PSMA7: variants seen among roughly 807,000 people sequenced by gnomAD.
The protein encoded by PSMA7 is proteasome subunit alpha type-7.
A neutral mutation model predicts 31.3 loss-of-function variants in PSMA7; 5 were observed. That is an observed-to-expected ratio of 0.16 (90% confidence interval 0.08 to 0.34). The LOEUF is 0.34. PSMA7 is among the 10% of genes least tolerant of loss of function. The pLI is 1.00. For synonymous variants in PSMA7, 155 were observed against 121.9 expected, an observed-to-expected ratio of 1.27 and a Z score of -1.79; for missense variants, 217 against 327.5, an observed-to-expected ratio of 0.66 and a Z score of 2.60.
chr20:62,136,892 CTTCTTT>C lies in PSMA7; in HGVS notation c.706_711del (p.Lys236_Glu237del), dbSNP rs371133551. 25 of 1,599,134 alleles carry C rather than the reference CTTCTTT, an allele frequency of 1.6e-5. No homozygotes were observed. The highest frequency in any genetic ancestry group is 4.5e-5 in the East Asian group (2 of 44,728). On this transcript the variant is annotated inframe_deletion, in exon 7 of 7. Transcript: ENST00000370873. Reference sequence around the variant, plus strand: ...TTCTTTTGTTTCTTCTTTTCGTTTTCTTCTTTTTCTTTTTCAATTTCAGCAACATAC... The same window carrying C: ...TTCTTTTGTTTCTTCTTTTCGTTTTCTTCTTTTTCAATTTCAGCAACATAC...
intron 5 of PSMA7, among the ~76,000 whole-genome samples, chr20:62,137,923 C>T (rs990786080): frequency 1.3e-5 from 2 of 152,218 alleles, no homozygotes; most frequent in Non-Finnish European, 2.9e-5. Context: ...GGTTCTCATG[C>T]TGTGTGTCCC....
intron 5 of PSMA7, among the ~76,000 whole-genome samples, chr20:62,137,703 C>A (rs2056903784): frequency 6.6e-6 from 1 of 152,194 alleles, no homozygotes; most frequent in Admixed American, 6.5e-5. Flanking sequence ...TGGTTACAAC[C>A]AGGAATCCTG....
rs763558682 is a variant in PSMA7 at position 62,136,955 on chromosome 20, GA to G, written c.655-7del. The G allele has an allele frequency of 2.5e-6, 4 of 1,595,190 alleles. No homozygotes were observed. Among genetic ancestry groups the G allele is most frequent in the South Asian group, 1.2e-5 (1 of 86,222 alleles). ...ATTTCTTCAGGATTTAAAATCTATA[GA>G]AAAAAACTTCATGGTTACCTAAGCC... is the stretch of plus-strand genomic sequence containing the variant. On this transcript the variant is annotated splice_polypyrimidine_tract_variant and splice_region_variant and intron_variant, in intron 6 of 6. Transcript: ENST00000370873.
At chr20:62,137,584 G>C in intron 5 of PSMA7, 158 bp from the exon 6 acceptor site, 1 of 697,716 alleles carries the variant, frequency 1.4e-6, no homozygotes, top group Non-Finnish European at 2.5e-6. Flanking sequence ...CTAAACTCAT[G>C]GCCATTTGTG....
intron 2 of PSMA7, 117 bp downstream of exon 2, chr20:62,140,701 T>C: frequency 7.8e-7 from 1 of 1,275,134 alleles, no homozygotes. Context: ...TTTTAAATGA[T>C]TTTCATTTAC....
chr20:62,143,176 T>G, intron 1 of PSMA7, 32 bp downstream of exon 1: 1 of 1,321,844 alleles, frequency 7.6e-7, no homozygotes, highest in South Asian at 1.4e-5. Flanking sequence ...TCCGCCCGCG[T>G]CCCCGGCCCC....
At chr20:62,138,061 A>T in intron 5 of PSMA7, 110 bp downstream of exon 5, 1 of 1,406,076 alleles carries the variant, frequency 7.1e-7, no homozygotes, top group Non-Finnish European at 1.0e-6. Context: ...AGCAGTCATT[A>T]AGCATTACTG....
chr20:62,139,028 G>C lies in PSMA7; in HGVS notation c.471+47C>G, dbSNP rs564004513. The C allele has an allele frequency of 7.5e-6, 12 of 1,601,022 alleles. No individual in the cohort carries two copies. In the South Asian group the frequency reaches 1.3e-4, roughly 18 times the overall value. On this transcript the variant is annotated intron_variant, in intron 4 of 6. Coordinates refer to ENST00000370873, the MANE Select transcript of PSMA7 (RefSeq NM_002792.4). Reference sequence around the variant, plus strand: ...AGCCCAGGACCTCCCACCCCTCAAAGCCTTTTTCTGGCAAGACTGTCCAAA... The same window carrying C: ...AGCCCAGGACCTCCCACCCCTCAAACCCTTTTTCTGGCAAGACTGTCCAAA...
intron 3 of PSMA7, chr20:62,139,474 C>T (rs2056914330): frequency 1.6e-6 from 1 of 639,332 alleles, no homozygotes; most frequent in African/African-American, 1.8e-5. Flanking sequence ...ATGGCGTGTC[C>T]TCATAGGGTG....
intron 1 of PSMA7, among the ~76,000 whole-genome samples, chr20:62,142,822 C>T (rs927934113): frequency 3.9e-5 from 6 of 151,948 alleles, no homozygotes; most frequent in African/African-American, 9.7e-5. Flanking sequence ...CGGCCTACCC[C>T]CCGCGCTCCG....
Position 62,138,162 on chromosome 20 carries a change from C to T in PSMA7, c.591+9G>A. 6.2e-7 allele frequency: 1 copy of T among 1,614,196 alleles called. No homozygotes were observed. The highest frequency in any genetic ancestry group is 8.5e-7 in the Non-Finnish European group (1 of 1,179,992). ...CACCACCTTGCCTGGATTCCAAATG[C>T]AAACTTACTTCCAGGAGTGCCTTGA... On this transcript the variant is annotated intron_variant, in intron 5 of 6. Coordinates refer to ENST00000370873, the MANE Select transcript of PSMA7 (RefSeq NM_002792.4).
chr20:62,140,855 G>A lies in PSMA7; in HGVS notation c.186C>T (p.Ile62=). 1 of 1,614,208 alleles carries A rather than the reference G, an allele frequency of 6.2e-7. No homozygotes were observed. The highest frequency in any genetic ancestry group is 8.5e-7 in the Non-Finnish European group (1 of 1,180,040). The part of the protein sequence containing the change: ...KLQDERTVRK[I]CALDDNVCMA... The stretch of plus-strand genomic sequence containing the variant: ...TGCAGACGTTGTCATCCAAAGCACA[G>A]ATCTTCCGCACTGTTCTTTCATCCT... The change falls in exon 2 of 7, where the codon ATC becomes ATT. Residue 62 remains isoleucine, a synonymous_variant. Coordinates refer to ENST00000370873, the MANE Select transcript of PSMA7 (RefSeq NM_002792.4).
intron 1 of PSMA7, among the ~76,000 whole-genome samples, chr20:62,141,197 G>A (rs779241868): frequency 6.6e-6 from 1 of 152,236 alleles, no homozygotes; most frequent in Non-Finnish European, 1.5e-5. Context: ...AGCCTGGAAG[G>A]TGGAGGCTGC....
intron 4 of PSMA7, 84 bp from the exon 5 acceptor site, chr20:62,138,374 C>CG (rs2056907623): frequency 1.3e-6 from 2 of 1,497,620 alleles, no homozygotes; most frequent in Non-Finnish European, 1.8e-6. Flanking sequence ...CTACATGGGC[C>CG]GCCCAGCCAG....
intron 6 of PSMA7, among the ~76,000 whole-genome samples, 160 bp from the exon 7 acceptor site, chr20:62,137,109 A>C (rs1347084665): frequency 1.1e-5 from 1 of 91,098 alleles, no homozygotes; most frequent in African/African-American, 2.6e-5. Flanking sequence ...GACCTAGACA[A>C]GTATTAAGCA....
At position 62,143,319 on chromosome 20, in the gene PSMA7, C is replaced by G; in HGVS notation, c.-16G>C. On this transcript the variant is annotated 5_prime_UTR_variant, in exon 1 of 7. Transcript: ENST00000370873. ...CGTAGCTCATGCCGGCGGGCGGCGG[C>G]CGGGCTCCTTCCGCCGCGACTCTCA... 2 of 1,383,122 alleles carry G rather than the reference C, an allele frequency of 1.4e-6. No individual in the cohort carries two copies. Among genetic ancestry groups the G allele is most frequent in the African/African-American group, 3.1e-5 (2 of 65,494 alleles). 85.7% of individuals were successfully genotyped at this position (1,383,122 alleles called of 1,614,324 possible).
At chr20:62,139,938 A>C (rs2056917565) in intron 2 of PSMA7, 33 bp from the exon 3 acceptor site, 1 of 1,606,676 alleles carries the variant, frequency 6.2e-7, no homozygotes, top group Non-Finnish European at 8.5e-7. Context: ...TCTGCTAGAG[A>C]GACAGCACAA....
chr20:62,142,525 C>T (rs1249533628), intron 1 of PSMA7: 4 of 152,398 alleles, frequency 2.6e-5, no homozygotes, highest in Middle Eastern at 3.4e-3. Flanking sequence ...CAAACAATGT[C>T]ACTAAGGTCA....
rs780865176 is a variant in PSMA7, at chr20:62,138,305, T to G, written c.472-15A>C. On this transcript the variant is annotated splice_polypyrimidine_tract_variant and intron_variant, in intron 4 of 6. Transcript: ENST00000370873. Reference sequence around the variant, plus strand: ...ATGGCATTGGCCTAAAACAGACACGTATGTTCTCACGTGGCATAGGGCATG... The same window carrying G: ...ATGGCATTGGCCTAAAACAGACACGGATGTTCTCACGTGGCATAGGGCATG... The G allele has an allele frequency of 1.9e-6, 3 of 1,593,040 alleles. No homozygotes were observed. The highest frequency in any genetic ancestry group is 1.7e-6 in the Non-Finnish European group (2 of 1,167,926).
Sources: gnomAD v4.1 joint callset for allele counts (sites outside exome capture counted in the v4.1 genomes callset) on GRCh38, gnomAD v4.1.1 for gene constraint, MANE v1.5 for transcripts, NCBI Gene and HGNC (gene_info 2026-07-23, HGNC 2026-07-21) for gene names.